Variants in PLPPR1 observed in about 807,000 individuals in gnomAD.
PLPPR1 encodes phospholipid phosphatase related 1, also known as phospholipid phosphatase-related protein type 1.
In PLPPR1, 10 loss-of-function variants were observed where a neutral mutation model predicts 33.1. The observed-to-expected ratio is 0.30, with a 90% CI of 0.19 to 0.51. The LOEUF is 0.51. Ranked by LOEUF, PLPPR1 falls within the 20% of genes least tolerant of loss-of-function variation. The probability of loss-of-function intolerance (pLI) is 0.97; values close to 1 mark genes in which losing one functional copy is unlikely to be tolerated. For missense variants in PLPPR1, 304 were observed against 408.1 expected (o/e 0.74, Z 2.20); for synonymous variants, 151 against 151.0 (o/e 1.00, Z 0.00).
intron 1 of PLPPR1, among the ~76,000 whole-genome samples, chr9:101,146,314 C>G (rs1037721364): frequency 6.6e-6 from 1 of 152,164 alleles, no homozygotes; most frequent in Non-Finnish European, 1.5e-5. Context: ...GAAGAGCCTT[C>G]AGAACAGTCT....
At chr9:101,180,162 A>G (rs1826083214) in intron 1 of PLPPR1, among the ~76,000 whole-genome samples, 1 of 131,368 alleles carries the variant, frequency 7.6e-6, no homozygotes, top group African/African-American at 2.8e-5. Context: ...ACACACACAC[A>G]TACACACACA....
chr9:101,103,239 G>A (rs1161964609), intron 1 of PLPPR1, among the ~76,000 whole-genome samples: 1 of 124,042 alleles, frequency 8.1e-6, no homozygotes, highest in Non-Finnish European at 1.7e-5. Context: ...TGTCCTGAAT[G>A]GTAATGCCTA....
At chr9:101,216,838 G>A (rs919606077) in intron 2 of PLPPR1, among the ~76,000 whole-genome samples, 5 of 152,146 alleles carry the variant, frequency 3.3e-5, no homozygotes, top group Non-Finnish European at 1.5e-5. Flanking sequence ...TCCTTCAGTT[G>A]TGATGACCAA....
chr9:101,051,887 T>A (rs1830227780), intron 1 of PLPPR1, among the ~76,000 whole-genome samples: 1 of 152,204 alleles, frequency 6.6e-6, no homozygotes, highest in Non-Finnish European at 1.5e-5. Flanking sequence ...ATAGTTTTCT[T>A]CATTTAAAAA....
At chr9:101,100,203 A>G (rs1046024904) in intron 1 of PLPPR1, among the ~76,000 whole-genome samples, 1 of 152,132 alleles carries the variant, frequency 6.6e-6, no homozygotes, top group African/African-American at 2.4e-5. Flanking sequence ...GCAGCAAAGT[A>G]GAAAGATAAA....
chr9:101,164,920 G>C (rs895109790), intron 1 of PLPPR1, among the ~76,000 whole-genome samples: 2 of 152,076 alleles, frequency 1.3e-5, no homozygotes, highest in East Asian at 3.9e-4. Context: ...GTCTTTTGCA[G>C]ATATGAGAGG....
intron 2 of PLPPR1, among the ~76,000 whole-genome samples, chr9:101,264,205 T>G (rs1827947384): frequency 6.6e-6 from 1 of 152,188 alleles, no homozygotes; most frequent in African/African-American, 2.4e-5. Context: ...TATTCCCTGG[T>G]GTCCTGGCTA....
At chr9:101,124,746 G>A (rs1831223620) in intron 1 of PLPPR1, among the ~76,000 whole-genome samples, 2 of 152,060 alleles carry the variant, frequency 1.3e-5, no homozygotes, top group Admixed American at 1.3e-4. Context: ...ACCCACACAG[G>A]CACCTGATCA....
At chr9:101,101,047 G>A (rs1167982677) in intron 1 of PLPPR1, among the ~76,000 whole-genome samples, 3 of 152,136 alleles carry the variant, frequency 2.0e-5, no homozygotes, top group Non-Finnish European at 2.9e-5. Context: ...ATTCCTGTTA[G>A]TGTCTTGTTG....
At chr9:101,298,276 A>C (rs1392917044) in intron 4 of PLPPR1, among the ~76,000 whole-genome samples, 2 of 152,194 alleles carry the variant, frequency 1.3e-5, no homozygotes, top group Admixed American at 1.3e-4. Flanking sequence ...ATAAAAATTT[A>C]ATTAAATACC....
chr9:101,111,485 G>A (rs1179916730), intron 1 of PLPPR1, among the ~76,000 whole-genome samples: 1 of 152,080 alleles, frequency 6.6e-6, no homozygotes, highest in African/African-American at 2.4e-5. Context: ...AAATATTTTG[G>A]AGATTGTATG....
chr9:101,158,017 A>C (rs187698137), intron 1 of PLPPR1, among the ~76,000 whole-genome samples: 1 of 152,096 alleles, frequency 6.6e-6, no homozygotes, highest in South Asian at 2.1e-4. Flanking sequence ...AGATAAAATA[A>C]GTGAATAAAA....
chr9:101,306,998 G>A (rs1309315298), intron 4 of PLPPR1, among the ~76,000 whole-genome samples: 4 of 152,152 alleles, frequency 2.6e-5, no homozygotes, highest in Non-Finnish European at 4.4e-5. Flanking sequence ...AGGTTCCACC[G>A]CGCTTTGTTG....
chr9:101,051,647 C>T (rs138974586), intron 1 of PLPPR1, among the ~76,000 whole-genome samples: 12 of 152,314 alleles, frequency 7.9e-5, no homozygotes, highest in East Asian at 7.7e-4. Flanking sequence ...TTAATTTTCA[C>T]GTTACATTTC....
chr9:101,153,881 C>A (rs1243907023), intron 1 of PLPPR1, among the ~76,000 whole-genome samples: 2 of 152,130 alleles, frequency 1.3e-5, no homozygotes, highest in Non-Finnish European at 2.9e-5. Flanking sequence ...CCGTGCCTGG[C>A]CCATCAATAC....
At chr9:101,143,937 C>A (rs2118637005) in intron 1 of PLPPR1, among the ~76,000 whole-genome samples, 1 of 152,264 alleles carries the variant, frequency 6.6e-6, no homozygotes, top group Admixed American at 6.5e-5. Context: ...TGGGTATATA[C>A]CCAAAGGATT....
chr9:101,110,672 G>T (rs538423757), intron 1 of PLPPR1, among the ~76,000 whole-genome samples: 1 of 152,218 alleles, frequency 6.6e-6, no homozygotes, highest in East Asian at 1.9e-4. Flanking sequence ...GTATTGCTAA[G>T]ATTTAGCATG....
At chr9:101,304,842 C>T (rs919627044) in intron 4 of PLPPR1, among the ~76,000 whole-genome samples, 1 of 152,138 alleles carries the variant, frequency 6.6e-6, no homozygotes, top group Non-Finnish European at 1.5e-5. Flanking sequence ...CTCTATAGAG[C>T]GTGCACAAAG....
Position 101,237,979 on chromosome 9 carries a change from C to CTATATATATATATATA in PLPPR1, c.64-31891_64-31876dup, listed in dbSNP as rs367867610. ...TACACACACACACAGGCTATATAGC[C>CTATATATATATATATA]TATATATATATATATATATATATAT... On this transcript the variant is annotated intron_variant, in intron 2 of 7. Transcript: ENST00000374874. Among the ~76,000 whole-genome samples the CTATATATATATATATA allele has an allele frequency of 7.3e-3, 581 of 79,328 alleles. 10 individuals are homozygous for CTATATATATATATATA. Among genetic ancestry groups the CTATATATATATATATA allele is most frequent in the East Asian group, 0.019 (47 of 2,470 alleles). The allele number at this position is 79,328 out of a possible 152,430, so 52.0% of individuals were successfully genotyped here.
Sources: gnomAD v4.1 joint callset for allele counts (sites outside exome capture counted in the v4.1 genomes callset) on GRCh38, gnomAD v4.1.1 for gene constraint, MANE v1.5 for transcripts, NCBI Gene and HGNC (gene_info 2026-07-23, HGNC 2026-07-21) for gene names.